The following DPYD variants were observed in gnomAD, a reference collection of about 807,000 sequenced individuals.
DPYD encodes dihydropyrimidine dehydrogenase [NADP(+)].
Under a neutral mutation model 116.2 loss-of-function variants are expected in DPYD, and 109 were observed. That is an observed-to-expected ratio of 0.94 (90% CI 0.80 to 1.10). DPYD has a LOEUF of 1.10. Among genes scored for constraint, DPYD ranks in the 50% least tolerant of loss-of-function variants. DPYD has a pLI of 0.00. For missense variants in DPYD, 1,302 were observed against 1,254.5 expected, an observed-to-expected ratio of 1.04 and a Z score of -0.57; for synonymous variants, 440 against 432.0, an observed-to-expected ratio of 1.02 and a Z score of -0.23.
At chr1:97,354,305 G>C (rs1670304860) in intron 16 of DPYD, among the ~76,000 whole-genome samples, 1 of 152,086 alleles carries the variant, frequency 6.6e-6, no homozygotes. Context: ...CTCATCCTTG[G>C]ATACAACCCT....
At chr1:97,810,121 C>T (rs1344829431) in intron 3 of DPYD, among the ~76,000 whole-genome samples, 1 of 151,742 alleles carries the variant, frequency 6.6e-6, no homozygotes, top group South Asian at 2.1e-4. Context: ...CCCGTCTCTA[C>T]TAAAAATACA....
chr1:97,391,513 T>G (rs1171061872), intron 14 of DPYD, among the ~76,000 whole-genome samples: 2 of 151,862 alleles, frequency 1.3e-5, no homozygotes, highest in Admixed American at 1.3e-4. Context: ...TGTGTTACCT[T>G]GTATGGAGTG....
chr1:97,517,472 C>T (rs1051927518), intron 12 of DPYD, among the ~76,000 whole-genome samples: 1 of 151,976 alleles, frequency 6.6e-6, no homozygotes, highest in African/African-American at 2.4e-5. Context: ...CGATATCATC[C>T]TTTTTAAATT....
At chr1:97,197,344 A>G (rs2101835449) in intron 19 of DPYD, among the ~76,000 whole-genome samples, 1 of 152,188 alleles carries the variant, frequency 6.6e-6, no homozygotes, top group South Asian at 2.1e-4. Flanking sequence ...GCTCACTCTG[A>G]GATTCTATTT....
intron 21 of DPYD, among the ~76,000 whole-genome samples, chr1:97,095,344 G>C (rs1468301374): frequency 1.3e-5 from 2 of 152,104 alleles, no homozygotes; most frequent in African/African-American, 4.8e-5. Context: ...ATTATAATTT[G>C]AGAGATGAAA....
intron 7 of DPYD, among the ~76,000 whole-genome samples, chr1:97,688,771 T>C (rs960733128): frequency 1.3e-5 from 2 of 151,942 alleles, no homozygotes; most frequent in Non-Finnish European, 2.9e-5. Flanking sequence ...ATCCATTACA[T>C]AAATAAATGA....
At chr1:97,700,128 A>G (rs1661515704) in intron 5 of DPYD, 1 of 426,512 alleles carries the variant, frequency 2.3e-6, no homozygotes, top group South Asian at 1.7e-5. Flanking sequence ...CTCAGAGGAA[A>G]GTAAGAACAA....
chr1:97,305,156 T>A, intron 18 of DPYD, 103 bp downstream of exon 18: 1 of 1,548,388 alleles, frequency 6.5e-7, no homozygotes, highest in Non-Finnish European at 8.9e-7. Context: ...CTATGAGTTA[T>A]AAGAATTTGG....
chr1:97,181,988 G>A (rs1281210241), intron 20 of DPYD, among the ~76,000 whole-genome samples: 1 of 152,074 alleles, frequency 6.6e-6, no homozygotes, highest in Non-Finnish European at 1.5e-5. Flanking sequence ...CATAAATGGA[G>A]GATTGTGGGA....
At chr1:97,259,464 C>T (rs1001279874) in intron 18 of DPYD, among the ~76,000 whole-genome samples, 3 of 151,978 alleles carry the variant, frequency 2.0e-5, no homozygotes, top group African/African-American at 7.2e-5. Flanking sequence ...AGACTCGAAC[C>T]CCTCCTCAAG....
chr1:97,389,735 C>T (rs1672574826), intron 14 of DPYD, among the ~76,000 whole-genome samples: 1 of 151,846 alleles, frequency 6.6e-6, no homozygotes, highest in Non-Finnish European at 1.5e-5. Flanking sequence ...CATCTAATTT[C>T]TATGAGACAT....
At chr1:97,631,223 G>A (rs1657239001) in intron 8 of DPYD, among the ~76,000 whole-genome samples, 1 of 152,088 alleles carries the variant, frequency 6.6e-6, no homozygotes, top group East Asian at 1.9e-4. Context: ...GCCACTGCAA[G>A]CCAAAAGGAG....
chr1:97,449,063 A>T (rs1676250927), intron 14 of DPYD, among the ~76,000 whole-genome samples: 1 of 152,112 alleles, frequency 6.6e-6, no homozygotes, highest in African/African-American at 2.4e-5. Context: ...ACAGAAAAAA[A>T]ACTTGATGGG....
intron 1 of DPYD, among the ~76,000 whole-genome samples, chr1:97,912,359 G>A (rs917715391): frequency 7.9e-5 from 12 of 152,064 alleles, no homozygotes; most frequent in South Asian, 6.2e-4. Flanking sequence ...ATAAGAGAGA[G>A]GCTTGAATAC....
intron 16 of DPYD, among the ~76,000 whole-genome samples, chr1:97,341,253 G>A (rs1186793023): frequency 1.3e-5 from 2 of 152,024 alleles, no homozygotes; most frequent in African/African-American, 4.8e-5. Context: ...CTCTCCCTCT[G>A]TCTCTGTCTC....
At chr1:97,868,123 A>T (rs1025263669) in intron 2 of DPYD, among the ~76,000 whole-genome samples, 2 of 151,852 alleles carry the variant, frequency 1.3e-5, no homozygotes, top group Non-Finnish European at 2.9e-5. Context: ...TCCCATTTAC[A>T]AGTAGCTAAA....
chr1:97,256,840 T>C (rs944042368), intron 18 of DPYD, among the ~76,000 whole-genome samples: 1 of 152,144 alleles, frequency 6.6e-6, no homozygotes, highest in Non-Finnish European at 1.5e-5. Flanking sequence ...TATAATTTTA[T>C]AAATCTGTCA....
At chr1:97,317,234 G>T (rs1162479959) in intron 16 of DPYD, among the ~76,000 whole-genome samples, 1 of 151,916 alleles carries the variant, frequency 6.6e-6, no homozygotes, top group African/African-American at 2.4e-5. Context: ...ATTAATGAGG[G>T]TATGCAGCAT....
chr1:97,773,188 G>A lies in DPYD; in HGVS notation c.234-32709C>T, dbSNP rs1377494570. On this transcript the variant is annotated intron_variant, in intron 3 of 22. Coordinates refer to ENST00000370192, the MANE Select transcript of DPYD (RefSeq NM_000110.4). ...ACTTATGTATTCTTACATCAATCCT[G>A]GGAGGCTAATGCTATTTATCAAATG... Among the ~76,000 whole-genome samples, 6 of 152,174 alleles carry A rather than the reference G, an allele frequency of 3.9e-5. No homozygotes were observed. The East Asian group carries it at 9.7e-4, about 25-fold the overall frequency.
Sources: gnomAD v4.1 joint callset for allele counts (sites outside exome capture counted in the v4.1 genomes callset) on GRCh38, gnomAD v4.1.1 for gene constraint, MANE v1.5 for transcripts, NCBI Gene and HGNC (gene_info 2026-07-23, HGNC 2026-07-21) for gene names.